The following NCAPD3 variants were observed in gnomAD, a reference collection of about 807,000 sequenced individuals.
The protein encoded by NCAPD3 is non-SMC condensin II complex subunit D3, also known as condensin-2 complex subunit D3.
In NCAPD3, 105 loss-of-function variants were observed where a neutral mutation model predicts 182.9. The observed-to-expected ratio is 0.57, with a 90% CI of 0.49 to 0.68. NCAPD3 has a LOEUF of 0.68. Ranked by LOEUF, NCAPD3 falls within the 30% of genes least tolerant of loss-of-function variation. The probability of loss-of-function intolerance (pLI) is 0.00; values close to 1 mark genes in which losing one functional copy is unlikely to be tolerated. For missense variants in NCAPD3, 1,944 were observed against 1,837.0 expected (o/e 1.06, Z -1.07); for synonymous variants, 815 against 679.9 (o/e 1.20, Z -3.09).
At chr11:134,223,535 T>C (rs1938325258) in intron 1 of NCAPD3, 1 of 700,986 alleles carries the variant, frequency 1.4e-6, no homozygotes, top group African/African-American at 1.7e-5. Context: ...AGATTTGCAA[T>C]TTAAAACCAT....
At chr11:134,167,657 A>G (rs554393264) in intron 27 of NCAPD3, among the ~76,000 whole-genome samples, 7 of 90,976 alleles carry the variant, frequency 7.7e-5, no homozygotes, top group African/African-American at 2.2e-4. Flanking sequence ...TTGGGGGAGC[A>G]GCACACTCAC....
At chr11:134,225,225 G>T, upstream of NCAPD3, 1 of 1,614,160 alleles carries the variant, frequency 6.2e-7, no homozygotes, top group Non-Finnish European at 8.5e-7. Flanking sequence ...CGGGAAGAAG[G>T]AGAAATATTT....
chr11:134,168,394 G>C, intron 26 of NCAPD3, 75 bp downstream of exon 26: 1 of 1,590,288 alleles, frequency 6.3e-7, no homozygotes, highest in East Asian at 2.2e-5. Context: ...CCTTACTAGA[G>C]GCCTGCTGGG....
Position 134,168,172 on chromosome 11 carries a change from G to T in NCAPD3, c.3397C>A (p.Pro1133Thr). ...ILACFADGILPLDLDASELLS... is the reference protein window; with the variant it reads ...ILACFADGILTLDLDASELLS... ...AACTCACTGGCGTCCAGGTCCAGGG[G>T]TAGGATGCCATCAGCAAAGCACGCT... Residue 1133 changes from proline to threonine, a missense_variant, in exon 27 of 35, where the codon CCC (proline) becomes ACC (threonine). Pro to Thr is a conservative substitution (Grantham distance 38). Coordinates refer to ENST00000534548, the MANE Select transcript of NCAPD3 (RefSeq NM_015261.3). 5.0e-6 allele frequency: 8 copies of T among 1,614,056 alleles called. No individual in the cohort carries two copies. The highest frequency in any genetic ancestry group is 6.8e-6 in the Non-Finnish European group (8 of 1,179,898).
In NCAPD3 at chr11:134,209,201, A is replaced by C. The variant is rs1937733550; in HGVS notation, c.738T>G (p.Phe246Leu). Residue 246 changes from phenylalanine (F) to leucine (L), a missense_variant, in exon 6 of 35, where the codon TTT becomes TTG. This residue lies in a region of NCAPD3 where 1,803 missense variants were observed against 1,674.6 expected (regional missense o/e 1.08). Coordinates refer to ENST00000534548, the MANE Select transcript of NCAPD3 (RefSeq NM_015261.3). The stretch of plus-strand genomic sequence containing the variant: ...CTGGCTCAAAATTAGTTAATGAAAC[A>C]AAGACCTAGAAAACAGATATGAAGA... The part of the protein sequence containing the change: ...PQCVQNCIEV[F>L]VSLTNFEPVL... The C allele has an allele frequency of 6.2e-7, 1 of 1,613,394 alleles. No individual in the cohort carries two copies. Among genetic ancestry groups the C allele is most frequent in the Non-Finnish European group, 8.5e-7 (1 of 1,179,700 alleles).
intron 26 of NCAPD3, 98 bp from the exon 27 acceptor site, chr11:134,168,293 T>A: frequency 7.0e-7 from 1 of 1,435,826 alleles, no homozygotes; most frequent in African/African-American, 1.4e-5. Context: ...TCTGAGGCTG[T>A]CAGGGGGTCT....
chr11:134,223,741 A>G, intron 1 of NCAPD3, 122 bp downstream of exon 1: 1 of 1,220,420 alleles, frequency 8.2e-7, no homozygotes, highest in Non-Finnish European at 1.2e-6. Context: ...GACCCCAGGC[A>G]CCGCCGACAG....
At chr11:134,214,825 C>T (rs1316502602) in intron 3 of NCAPD3, among the ~76,000 whole-genome samples, 1 of 152,084 alleles carries the variant, frequency 6.6e-6, no homozygotes, top group East Asian at 1.9e-4. Flanking sequence ...AACCCAAAAT[C>T]TTCCAAAATA....
At chr11:134,168,431 C>A (rs1376349737) in intron 26 of NCAPD3, 38 bp downstream of exon 26, 1 of 1,611,050 alleles carries the variant, frequency 6.2e-7, no homozygotes, top group African/African-American at 1.3e-5. Context: ...ATTTCATTTG[C>A]AAACACACAC....
chr11:134,213,236 G>T (rs1937902300), intron 3 of NCAPD3, among the ~76,000 whole-genome samples: 1 of 152,124 alleles, frequency 6.6e-6, no homozygotes, highest in Non-Finnish European at 1.5e-5. Flanking sequence ...AGCTATTCTG[G>T]AGGCTGAGGA....
chr11:134,167,081 A>G (rs1462888688), intron 27 of NCAPD3, among the ~76,000 whole-genome samples: 2 of 83,758 alleles, frequency 2.4e-5, no homozygotes, highest in Non-Finnish European at 4.3e-5. Context: ...GGAGCTGCAC[A>G]CTCACTAGTG....
At position 134,168,840 on chromosome 11, in the gene NCAPD3, G is replaced by A. The variant is rs1422113900; in HGVS notation, c.3239+77C>T. On this transcript the variant is annotated intron_variant, in intron 25 of 34. Coordinates refer to ENST00000534548, the MANE Select transcript of NCAPD3 (RefSeq NM_015261.3). ...CAGGGTCTGCGTCCAATCACTACAT[G>A]CAAAGAGCCTAACCTCCCCTGATTC... 2.6e-6 allele frequency: 4 copies of A among 1,525,766 alleles called. No homozygotes were observed. In the African/African-American group the frequency reaches 4.1e-5, roughly 16 times the overall value. The allele number at this position is 1,525,766 out of a possible 1,614,324, so 94.5% of individuals were successfully genotyped here. A position where few individuals can be genotyped will look rare whatever the true frequency, so the allele number is the denominator to read the frequency against.
At chr11:134,174,881 A>T (rs1266134568) in intron 24 of NCAPD3, among the ~76,000 whole-genome samples, 1 of 152,230 alleles carries the variant, frequency 6.6e-6, no homozygotes, top group Non-Finnish European at 1.5e-5. Context: ...AAATAAAAAG[A>T]AAAGGAAAAT....
chr11:134,200,915 T>C (rs1944733805), intron 13 of NCAPD3, among the ~76,000 whole-genome samples: 3 of 152,064 alleles, frequency 2.0e-5, no homozygotes, highest in Admixed American at 2.0e-4. Context: ...GAAGTACTGA[T>C]AGATGCTATA....
At chr11:134,208,976 G>A (rs750479157) in intron 6 of NCAPD3, 25 bp from the exon 7 acceptor site, 2 of 1,525,092 alleles carry the variant, frequency 1.3e-6, no homozygotes, top group Admixed American at 1.8e-5. Flanking sequence ...CGAAATATTA[G>A]TTAATGGATA....
chr11:134,178,928 G>A lies in NCAPD3; in HGVS notation c.2568C>T (p.Tyr856=), dbSNP rs759492376. The change falls in exon 21 of 35, where the codon TAC becomes TAT. Residue 856 remains tyrosine (Y), a synonymous_variant. Coordinates refer to ENST00000534548, the MANE Select transcript of NCAPD3 (RefSeq NM_015261.3). The part of the protein sequence containing the change: ...GNMDEDLLVK[Y]IFTLGDIAQL... ...GGGCTATATCCCCTAAGGTAAAAAT[G>A]TACTTCACCTACAAAGATAATTGGT... 3.2e-5 allele frequency: 52 copies of A among 1,609,944 alleles called. No individual in the cohort carries two copies. The highest frequency in any genetic ancestry group is 2.3e-4 in the African/African-American group (17 of 74,846).
chr11:134,168,810 T>G, intron 25 of NCAPD3, 107 bp downstream of exon 25: 1 of 1,453,772 alleles, frequency 6.9e-7, no homozygotes, highest in South Asian at 1.4e-5. Context: ...AGTAAAGACC[T>G]GGGGCAGGGT....
At position 134,172,228 on chromosome 11, in the gene NCAPD3, C is replaced by T. The variant is rs531230274; in HGVS notation, c.3102-3174G>A. 2.0e-4 allele frequency among the ~76,000 whole-genome samples: 30 copies of T among 152,254 alleles called. 1 individual carries two copies. In the South Asian group the frequency reaches 4.4e-3, roughly 22 times the overall value. On this transcript the variant is annotated intron_variant, in intron 24 of 34. Transcript: ENST00000534548. The stretch of plus-strand genomic sequence containing the variant: ...AGTTTTGCTCTCCATTCCAAATCCC[C>T]GCAGGACTCCCCATGCAGATGAGCT...
chr11:134,215,594 C>T (rs754600269), intron 3 of NCAPD3, among the ~76,000 whole-genome samples: 21 of 152,098 alleles, frequency 1.4e-4, no homozygotes, highest in Non-Finnish European at 2.6e-4. Context: ...AGGGGAGATG[C>T]AAGAGTTGCG....
Sources: gnomAD v4.1 joint callset for allele counts (sites outside exome capture counted in the v4.1 genomes callset) on GRCh38, gnomAD v4.1.1 for gene constraint, gnomAD v4.1.1 regional missense constraint, MANE v1.5 for transcripts, NCBI Gene and HGNC (gene_info 2026-07-23, HGNC 2026-07-21) for gene names.